Variants in SP9 observed in about 807,000 individuals in gnomAD.
The protein encoded by SP9 is transcription factor Sp9.
In SP9, 5 loss-of-function variants were observed where a neutral mutation model predicts 23.0. That is an observed-to-expected ratio of 0.22 (90% confidence interval 0.11 to 0.46). SP9 has a LOEUF of 0.46. SP9 is among the 20% of genes least tolerant of loss of function. SP9 has a pLI of 0.99. For synonymous variants in SP9, 360 were observed against 356.5 expected, an observed-to-expected ratio of 1.01 and a Z score of -0.11; for missense variants, 542 against 724.0, an observed-to-expected ratio of 0.75 and a Z score of 2.88.
rs1345162699 is a variant in SP9 at position 174,338,049 on chromosome 2, A to G, written c.*509A>G. On this transcript the variant is annotated 3_prime_UTR_variant, in exon 2 of 2. Transcript: ENST00000394967. Reference sequence around the variant, plus strand: ...ATTTGAAAACAAACGGGACCGATAAAAACACCCTTTGTTTGGATTATATTA... The same window carrying G: ...ATTTGAAAACAAACGGGACCGATAAGAACACCCTTTGTTTGGATTATATTA... 6.6e-6 allele frequency: 1 copy of G among 152,162 alleles called. No homozygotes were observed. The highest frequency in any genetic ancestry group is 2.4e-5 in the African/African-American group (1 of 41,442). The allele number at this position is 152,162 out of a possible 1,614,324, so 9.4% of individuals were successfully genotyped here.
Position 174,336,872 on chromosome 2 carries a change from G to C in SP9, c.787G>C (p.Val263Leu). 1 of 1,518,866 alleles carries C rather than the reference G, an allele frequency of 6.6e-7. No individual in the cohort carries two copies. The highest frequency in any genetic ancestry group is 8.8e-7 in the Non-Finnish European group (1 of 1,139,576). The allele number at this position is 1,518,866 out of a possible 1,614,324, so 94.1% of individuals were successfully genotyped here. Residue 263 changes from valine to leucine, a missense_variant, in exon 2 of 2, where the codon GTG (valine) becomes CTG (leucine). This residue lies in a region of SP9 where 144 missense variants were observed against 158.7 expected (regional missense o/e 0.91). Coordinates refer to ENST00000394967, the MANE Select transcript of SP9 (RefSeq NM_001145250.2). Reference sequence around the variant, plus strand: ...GCTGGCCCAGGACGGCTTCAAGCCGGTGTTGCCCTCCTATTCGGACTCCAG... The same window carrying C: ...GCTGGCCCAGGACGGCTTCAAGCCGCTGTTGCCCTCCTATTCGGACTCCAG... The part of the protein sequence containing the change: ...HLLAQDGFKP[V>L]LPSYSDSSAA...
rs763993772 is a variant in SP9 at position 174,337,044 on chromosome 2, G to T, written c.959G>T (p.Gly320Val). The change falls in exon 2 of 2, where the codon GGC (glycine) becomes GTC (valine). Residue 320 changes from glycine to valine, a missense_variant. Gly to Val is a moderately radical substitution (Grantham distance 109). Coordinates refer to ENST00000394967, the MANE Select transcript of SP9 (RefSeq NM_001145250.2). ...CPNCQEAERL[G>V]PAGASLRRKG... ...AACTGCCAGGAGGCGGAGCGGCTGG[G>T]CCCGGCCGGGGCGAGCCTGCGGCGC... The T allele has an allele frequency of 1.3e-6, 2 of 1,535,542 alleles. No individual in the cohort carries two copies. The highest frequency in any genetic ancestry group is 1.2e-5 in the South Asian group (1 of 83,192).
chr2:174,336,671 C>T lies in SP9; in HGVS notation c.586C>T (p.Pro196Ser), dbSNP rs1574613618. 6.6e-7 allele frequency: 1 copy of T among 1,512,330 alleles called. No individual in the cohort carries two copies. Among genetic ancestry groups the T allele is most frequent in the South Asian group, 1.2e-5 (1 of 81,178 alleles). The allele number at this position is 1,512,330 out of a possible 1,614,324, so 93.7% of individuals were successfully genotyped here. A position where few individuals can be genotyped will look rare whatever the true frequency, so the allele number is the denominator to read the frequency against. Residue 196 changes from proline (P) to serine (S), a missense_variant, in exon 2 of 2, where the codon CCC becomes TCC. Pro to Ser is a moderately conservative substitution (Grantham distance 74). Around this residue, in one of 8 missense-constraint regions of SP9, gnomAD observed 144 missense variants for 158.7 expected, o/e 0.91. Transcript: ENST00000394967. Reference protein sequence around the residue: ...SPGSWLEVQNPAGGLQSSLHS... With the variant: ...SPGSWLEVQNSAGGLQSSLHS... The stretch of plus-strand genomic sequence containing the variant: ...GGGCTCGTGGCTGGAAGTGCAGAAC[C>T]CCGCTGGGGGGCTCCAGAGCTCGCT...
Position 174,337,568 on chromosome 2 carries a change from A to G in SP9, c.*28A>G. 9 of 1,138,256 alleles carry G rather than the reference A, an allele frequency of 7.9e-6. No homozygotes were observed. The highest frequency in any genetic ancestry group is 9.7e-6 in the Non-Finnish European group (9 of 928,594). 70.5% of individuals were successfully genotyped at this position (1,138,256 alleles called of 1,614,324 possible). On this transcript the variant is annotated 3_prime_UTR_variant, in exon 2 of 2. Coordinates refer to ENST00000394967, the MANE Select transcript of SP9 (RefSeq NM_001145250.2). The stretch of plus-strand genomic sequence containing the variant: ...GCCGGGCGAGAGGCGCGAGCACACA[A>G]GCGAGTAGAGACACCGAGAACGAAC...
chr2:174,336,571 C>G lies in SP9; in HGVS notation c.486C>G (p.Gly162=), dbSNP rs62174227. Residue 162 remains glycine (G), a synonymous_variant, in exon 2 of 2, where the codon GGC becomes GGG. Transcript: ENST00000394967. ...CGTACGAGTCCTGGTACAAGTCGGG[C>G]TTCCATTCGACGCTGGCGGCCGGCG... ...AHPYESWYKS[G]FHSTLAAGEV... 0.23 allele frequency: 326,800 copies of G among 1,426,968 alleles called. 43,811 individuals carry two copies. Among genetic ancestry groups the G allele is most frequent in the East Asian group, 0.63 (22,026 of 34,870 alleles). The allele number at this position is 1,426,968 out of a possible 1,614,324, so 88.4% of individuals were successfully genotyped here. A position where few individuals can be genotyped will look rare whatever the true frequency, so the allele number is the denominator to read the frequency against.
In SP9 at chr2:174,337,831, C is replaced by T; in HGVS notation, c.*291C>T. ...TTTAAAAACTGTACTCCCAGACGTA[C>T]ACATACACCGGAGACCTACAACCAC... On this transcript the variant is annotated 3_prime_UTR_variant, in exon 2 of 2. Transcript: ENST00000394967. The T allele has an allele frequency of 5.6e-6, 1 of 177,652 alleles. No individual in the cohort carries two copies. The highest frequency in any genetic ancestry group is 1.1e-5 in the Non-Finnish European group (1 of 88,272). 11.0% of individuals were successfully genotyped at this position (177,652 alleles called of 1,614,324 possible).
intron 1 of SP9, 56 bp downstream of exon 1, chr2:174,335,169 T>C: frequency 6.5e-7 from 1 of 1,544,956 alleles, no homozygotes; most frequent in Admixed American, 2.0e-5. Context: ...AATTTTTCGT[T>C]ATGGCTTCTG....
Position 174,336,340 on chromosome 2 carries a change from C to G in SP9, c.255C>G (p.Ala85=), listed in dbSNP as rs1416694139. The G allele has an allele frequency of 6.7e-6, 10 of 1,499,458 alleles. No individual in the cohort carries two copies. Among genetic ancestry groups the G allele is most frequent in the Non-Finnish European group, 8.8e-7 (1 of 1,131,748 alleles). 92.9% of individuals were successfully genotyped at this position (1,499,458 alleles called of 1,614,324 possible). Residue 85 remains alanine, a synonymous_variant, in exon 2 of 2, where the codon GCC becomes GCG. Transcript: ENST00000394967. ...SGGLAGGSGA[A]NSAFCLASTS... The stretch of plus-strand genomic sequence containing the variant: ...GCCTGGCGGGCGGCTCGGGCGCCGC[C>G]AACAGCGCCTTCTGCCTGGCCTCCA...
rs1684424726 is a variant in SP9 at position 174,336,936 on chromosome 2, C to T, written c.851C>T (p.Ser284Leu). 1 of 1,441,024 alleles carries T rather than the reference C, an allele frequency of 6.9e-7. No homozygotes were observed. Among genetic ancestry groups the T allele is most frequent in the South Asian group, 1.3e-5 (1 of 74,316 alleles). 89.3% of individuals were successfully genotyped at this position (1,441,024 alleles called of 1,614,324 possible). Reference protein sequence around the residue: ...VAAAAASAMISGAAAAAAGGS... With the variant: ...VAAAAASAMILGAAAAAAGGS... The stretch of plus-strand genomic sequence containing the variant: ...GCCGCCGCCGCCAGCGCCATGATAT[C>T]GGGCGCCGCGGCTGCCGCCGCCGGG... The change falls in exon 2 of 2, where the codon TCG (serine) becomes TTG (leucine). Residue 284 changes from serine to leucine, a missense_variant. Transcript: ENST00000394967.
chr2:174,336,460 G>A lies in SP9; in HGVS notation c.375G>A (p.Gln125=). Residue 125 remains glutamine (Q), a synonymous_variant, in exon 2 of 2, where the codon CAG becomes CAA. Coordinates refer to ENST00000394967, the MANE Select transcript of SP9 (RefSeq NM_001145250.2). ...CGGCAGCGGCCGGGGTGTCCCCGCAGGAGGCGGGTGGCCAGTCGGCCTTCA... is the reference window on the plus strand; with the variant it reads ...CGGCAGCGGCCGGGGTGTCCCCGCAAGAGGCGGGTGGCCAGTCGGCCTTCA... The part of the protein sequence containing the change: ...AAAAAAGVSP[Q]EAGGQSAFIS... 6.8e-7 allele frequency: 1 copy of A among 1,479,018 alleles called. No homozygotes were observed. Among genetic ancestry groups the A allele is most frequent in the Non-Finnish European group, 8.9e-7 (1 of 1,121,470 alleles). 91.6% of individuals were successfully genotyped at this position (1,479,018 alleles called of 1,614,324 possible). A position where few individuals can be genotyped will look rare whatever the true frequency, so the allele number is the denominator to read the frequency against.
Position 174,336,615 on chromosome 2 carries a change from C to A in SP9, c.530C>A (p.Ala177Glu). ...LAAGEVTNGAASSWWDVHSSP... is the reference protein window; with the variant it reads ...LAAGEVTNGAESSWWDVHSSP... Reference sequence around the variant, plus strand: ...GCCGGCGAGGTGACCAACGGCGCGGCGTCGTCGTGGTGGGACGTGCACAGC... The same window carrying A: ...GCCGGCGAGGTGACCAACGGCGCGGAGTCGTCGTGGTGGGACGTGCACAGC... Residue 177 changes from alanine to glutamate, a missense_variant, in exon 2 of 2, where the codon GCG becomes GAG. By Grantham distance (107) the Ala-to-Glu change is moderately radical. Coordinates refer to ENST00000394967, the MANE Select transcript of SP9 (RefSeq NM_001145250.2). 7.0e-7 allele frequency: 1 copy of A among 1,430,412 alleles called. No homozygotes were observed. The highest frequency in any genetic ancestry group is 9.1e-7 in the Non-Finnish European group (1 of 1,096,392). The allele number at this position is 1,430,412 out of a possible 1,614,324, so 88.6% of individuals were successfully genotyped here.
rs1348072987 is a variant in SP9 at position 174,336,122 on chromosome 2, G to C, written c.37G>C (p.Gly13Arg). Residue 13 changes from glycine to arginine, a missense_variant, in exon 2 of 2, where the codon GGA becomes CGA. Gly to Arg is a moderately radical substitution (Grantham distance 125). Transcript: ENST00000394967. ...CCCACTCTAGGAAGAGCCGCGCTTC[G>C]GAACGACCCCGTTGGCCATGCTGGC... ...TSILGEEPRF[G>R]TTPLAMLAAT... is the part of the protein sequence containing the mutation. The C allele has an allele frequency of 1.3e-6, 2 of 1,550,478 alleles. No homozygotes were observed. The highest frequency in any genetic ancestry group is 1.7e-6 in the Non-Finnish European group (2 of 1,146,442).
At chr2:174,335,269 C>T (rs1684387422) in intron 1 of SP9, 156 bp downstream of exon 1, 1 of 793,156 alleles carries the variant, frequency 1.3e-6, no homozygotes. Flanking sequence ...GATTTTTCCC[C>T]AAGTTTTTGG....
chr2:174,337,899 A>G lies in SP9; in HGVS notation c.*359A>G, dbSNP rs1002902110. 6.5e-6 allele frequency: 1 copy of G among 154,106 alleles called. No individual in the cohort carries two copies. The highest frequency in any genetic ancestry group is 2.4e-5 in the African/African-American group (1 of 41,456). 9.5% of individuals were successfully genotyped at this position (154,106 alleles called of 1,614,324 possible). A position where few individuals can be genotyped will look rare whatever the true frequency, so the allele number is the denominator to read the frequency against. ...CGCGCACACACATACCACTCGCCCA[A>G]ACTTCTCGAGCGAAGAGCAATACAT... On this transcript the variant is annotated 3_prime_UTR_variant, in exon 2 of 2. Transcript: ENST00000394967.
In SP9 at chr2:174,337,711, C is replaced by T. The variant is rs1022979959; in HGVS notation, c.*171C>T. The T allele has an allele frequency of 3.5e-6, 3 of 868,988 alleles. No homozygotes were observed. The highest frequency in any genetic ancestry group is 7.1e-5 in the East Asian group (1 of 14,028). 53.8% of individuals were successfully genotyped at this position (868,988 alleles called of 1,614,324 possible). On this transcript the variant is annotated 3_prime_UTR_variant, in exon 2 of 2. Transcript: ENST00000394967. ...CAGGGCTCCCGGGCTGCGGTTCGCC[C>T]GCTGTGCGAGGAGCTCCCCTCTGCC...
chr2:174,337,047 C>T lies in SP9; in HGVS notation c.962C>T (p.Pro321Leu), dbSNP rs1489507680. ...PNCQEAERLG[P>L]AGASLRRKGL... ...TGCCAGGAGGCGGAGCGGCTGGGCC[C>T]GGCCGGGGCGAGCCTGCGGCGCAAG... is the stretch of plus-strand genomic sequence containing the variant. The change falls in exon 2 of 2, where the codon CCG becomes CTG. Residue 321 changes from proline (P) to leucine (L), a missense_variant. Coordinates refer to ENST00000394967, the MANE Select transcript of SP9 (RefSeq NM_001145250.2). The T allele has an allele frequency of 9.1e-6, 14 of 1,532,808 alleles. No homozygotes were observed. The highest frequency in any genetic ancestry group is 1.2e-5 in the Non-Finnish European group (14 of 1,145,646). The allele number at this position is 1,532,808 out of a possible 1,614,324, so 95.0% of individuals were successfully genotyped here. A position where few individuals can be genotyped will look rare whatever the true frequency, so the allele number is the denominator to read the frequency against.
chr2:174,335,881 G>A (rs1296352844), intron 1 of SP9: 2 of 540,280 alleles, frequency 3.7e-6, no homozygotes, highest in East Asian at 6.8e-5. Flanking sequence ...CCTCAGCGAA[G>A]TGCAACTTTC....
In SP9 at chr2:174,337,038, G is replaced by A. The variant is rs1684427545; in HGVS notation, c.953G>A (p.Arg318Gln). ...TGCCCCAACTGCCAGGAGGCGGAGC[G>A]GCTGGGCCCGGCCGGGGCGAGCCTG... ...CDCPNCQEAE[R>Q]LGPAGASLRR... Residue 318 changes from arginine to glutamine, a missense_variant, in exon 2 of 2, where the codon CGG (arginine) becomes CAG (glutamine). By Grantham distance (43) the Arg-to-Gln change is conservative. Transcript: ENST00000394967. 6.5e-7 allele frequency: 1 copy of A among 1,528,006 alleles called. No homozygotes were observed. The highest frequency in any genetic ancestry group is 8.8e-7 in the Non-Finnish European group (1 of 1,142,530). 94.7% of individuals were successfully genotyped at this position (1,528,006 alleles called of 1,614,324 possible).
Position 174,336,502 on chromosome 2 carries a change from G to A in SP9, c.417G>A (p.Thr139=). 3 of 1,470,154 alleles carry A rather than the reference G, an allele frequency of 2.0e-6. No individual in the cohort carries two copies. Among genetic ancestry groups the A allele is most frequent in the Non-Finnish European group, 2.7e-6 (3 of 1,114,440 alleles). The allele number at this position is 1,470,154 out of a possible 1,614,324, so 91.1% of individuals were successfully genotyped here. A position where few individuals can be genotyped will look rare whatever the true frequency, so the allele number is the denominator to read the frequency against. ...GQSAFISKVH[T]TAADGLYPRV... ...CGGCCTTCATTTCCAAGGTGCACACGACGGCAGCCGACGGGCTGTACCCGC... is the reference window on the plus strand; with the variant it reads ...CGGCCTTCATTTCCAAGGTGCACACAACGGCAGCCGACGGGCTGTACCCGC... The change falls in exon 2 of 2, where the codon ACG becomes ACA. Residue 139 remains threonine (T), a synonymous_variant. Coordinates refer to ENST00000394967, the MANE Select transcript of SP9 (RefSeq NM_001145250.2).
Sources: gnomAD v4.1 joint callset for allele counts on GRCh38, gnomAD v4.1.1 for gene constraint, gnomAD v4.1.1 regional missense constraint, MANE v1.5 for transcripts, NCBI Gene and HGNC (gene_info 2026-07-23, HGNC 2026-07-21) for gene names.